The following UFL1 variants were observed in gnomAD, a reference collection of about 807,000 sequenced individuals.
The protein encoded by UFL1 is E3 UFM1-protein ligase 1.
Under a neutral mutation model 99.3 loss-of-function variants are expected in UFL1, and 78 were observed. That is an observed-to-expected ratio of 0.79 (90% CI 0.65 to 0.95). UFL1 has a LOEUF of 0.95. Among genes scored for constraint, UFL1 ranks in the 40% least tolerant of loss-of-function variants. The probability of loss-of-function intolerance (pLI) is 0.00; values close to 1 mark genes in which losing one functional copy is unlikely to be tolerated. For missense variants in UFL1, 936 were observed against 937.0 expected, an observed-to-expected ratio of 1.00 and a Z score of 0.01; for synonymous variants, 335 against 322.2, an observed-to-expected ratio of 1.04 and a Z score of -0.42.
chr6:96,525,190 C>A (rs988692673), intron 3 of UFL1, 107 bp from the exon 4 acceptor site: 1 of 830,434 alleles, frequency 1.2e-6, no homozygotes, highest in Admixed American at 2.9e-5. Flanking sequence ...GCATGAGCCA[C>A]CATGCCTGGC....
At chr6:96,529,577 T>C (rs1006958701) in intron 6 of UFL1, among the ~76,000 whole-genome samples, 1 of 152,216 alleles carries the variant, frequency 6.6e-6, no homozygotes, top group African/African-American at 2.4e-5. Flanking sequence ...GAAATACTCT[T>C]TTTTTAAACA....
Position 96,549,496 on chromosome 6 carries a change from C to T in UFL1, c.1605C>T (p.Arg535=). 1.9e-6 allele frequency: 3 copies of T among 1,591,216 alleles called. No homozygotes were observed. Among genetic ancestry groups the T allele is most frequent in the Non-Finnish European group, 2.6e-6 (3 of 1,173,734 alleles). ...TTSASGTGRK[R]TIKDLQEEVS... The stretch of plus-strand genomic sequence containing the variant: ...CTGCTTCTGGGACGGGCAGAAAACG[C>T]ACAATCAAGGACTTGCAAGAAGAAG... The change falls in exon 14 of 19, where the codon CGC becomes CGT. Residue 535 remains arginine, a synonymous_variant. Coordinates refer to ENST00000369278, the MANE Select transcript of UFL1 (RefSeq NM_015323.5).
At chr6:96,526,117 T>G (rs577529925) in intron 4 of UFL1, among the ~76,000 whole-genome samples, 1 of 151,942 alleles carries the variant, frequency 6.6e-6, no homozygotes, top group African/African-American at 2.4e-5. Flanking sequence ...AAAGAAAATG[T>G]ATTGTTTGAT....
chr6:96,535,297 G>T (rs889609668), intron 7 of UFL1, among the ~76,000 whole-genome samples: 1 of 151,780 alleles, frequency 6.6e-6, no homozygotes, highest in Non-Finnish European at 1.5e-5. Context: ...ATCATCTTTT[G>T]AATGTGCTTG....
intron 12 of UFL1, among the ~76,000 whole-genome samples, chr6:96,544,239 T>C (rs1769970789): frequency 6.6e-6 from 1 of 151,038 alleles, no homozygotes; most frequent in African/African-American, 2.4e-5. Flanking sequence ...ATTATATGCA[T>C]CTTTCTTTTC....
At position 96,549,831 on chromosome 6, in the gene UFL1, G is replaced by A. The variant is rs1208255604; in HGVS notation, c.1818+32G>A. Reference sequence around the variant, plus strand: ...TAATGATCTCCCTACCACTATTGATGTGTTCTGTTTTGCATCTATACACAT... The same window carrying A: ...TAATGATCTCCCTACCACTATTGATATGTTCTGTTTTGCATCTATACACAT... On this transcript the variant is annotated intron_variant, in intron 15 of 18. Coordinates refer to ENST00000369278, the MANE Select transcript of UFL1 (RefSeq NM_015323.5). The A allele has an allele frequency of 8.1e-6, 13 of 1,606,170 alleles. No homozygotes were observed. The African/African-American group carries it at 1.6e-4, about 20-fold the overall frequency.
Position 96,538,815 on chromosome 6 carries a change from T to A in UFL1, c.1158+5T>A. 1 of 1,585,234 alleles carries A rather than the reference T, an allele frequency of 6.3e-7. No homozygotes were observed. On this transcript the variant is annotated splice_donor_5th_base_variant and intron_variant, in intron 10 of 18. Coordinates refer to ENST00000369278, the MANE Select transcript of UFL1 (RefSeq NM_015323.5). ...ATGCACCAGAAAGCTGAAAAGGTAT[T>A]CCAGATTTCCTTTTATCTGCTAATC...
At chr6:96,541,619 C>T (rs1389136054) in intron 11 of UFL1, among the ~76,000 whole-genome samples, 2 of 149,184 alleles carry the variant, frequency 1.3e-5, no homozygotes, top group Admixed American at 6.7e-5. Flanking sequence ...TAATAAATTA[C>T]TTAAATCACA....
At chr6:96,538,274 G>A (rs1769881451) in intron 9 of UFL1, among the ~76,000 whole-genome samples, 2 of 151,802 alleles carry the variant, frequency 1.3e-5, no homozygotes, top group Admixed American at 1.3e-4. Context: ...TTTCAGATAG[G>A]AGAAAGAGTT....
chr6:96,535,904 T>A (rs1582440529), intron 7 of UFL1, among the ~76,000 whole-genome samples: 1 of 152,166 alleles, frequency 6.6e-6, no homozygotes, highest in East Asian at 1.9e-4. Context: ...TTTTATCATC[T>A]GTTTTTAGTA....
rs184389299 is a variant in UFL1 at position 96,524,875 on chromosome 6, A to G, written c.253-422A>G. Among the ~76,000 whole-genome samples, 2 of 152,344 alleles carry G rather than the reference A, an allele frequency of 1.3e-5. 1 individual carries two copies. Among genetic ancestry groups the G allele is most frequent in the Admixed American group, 1.3e-4 (2 of 15,310 alleles). On this transcript the variant is annotated intron_variant, in intron 3 of 18. Transcript: ENST00000369278. ...CAAGGTACACTATAAACAAGAAGCC[A>G]GCGAATTTTCTGTAAAATGCTATCT...
At chr6:96,546,400 A>G (rs557159838) in intron 12 of UFL1, among the ~76,000 whole-genome samples, 65 of 151,584 alleles carry the variant, frequency 4.3e-4, no homozygotes, top group Non-Finnish European at 8.4e-4. Flanking sequence ...CCCCAGGCTC[A>G]TGGATTAGAA....
chr6:96,550,445 C>T (rs1033006689), intron 15 of UFL1, among the ~76,000 whole-genome samples: 1 of 151,892 alleles, frequency 6.6e-6, no homozygotes, highest in Non-Finnish European at 1.5e-5. Flanking sequence ...CAGGAAAAAG[C>T]GTCTTGATGT....
In UFL1 at chr6:96,549,402, T is replaced by C; in HGVS notation, c.1521-10T>C. 6.3e-7 allele frequency: 1 copy of C among 1,582,712 alleles called. No individual in the cohort carries two copies. Among genetic ancestry groups the C allele is most frequent in the East Asian group, 2.2e-5 (1 of 44,608 alleles). On this transcript the variant is annotated splice_polypyrimidine_tract_variant and intron_variant, in intron 13 of 18. Coordinates refer to ENST00000369278, the MANE Select transcript of UFL1 (RefSeq NM_015323.5). ...TTTTAATAAACTAAATATATTTGTC[T>C]TATGCACAGACCTCTTAATAAAACT...
chr6:96,529,204 C>T (rs1387741000), intron 6 of UFL1, among the ~76,000 whole-genome samples: 1 of 152,188 alleles, frequency 6.6e-6, no homozygotes, highest in Non-Finnish European at 1.5e-5. Flanking sequence ...GCATAGAATT[C>T]AGAAAACCTA....
intron 1 of UFL1, among the ~76,000 whole-genome samples, chr6:96,522,565 C>T (rs1255192490): frequency 6.6e-6 from 1 of 152,158 alleles, no homozygotes; most frequent in Non-Finnish European, 1.5e-5. Flanking sequence ...TCTTTGACTA[C>T]TTCCTACCTG....
rs758359688 is a variant in UFL1, at chr6:96,528,529, A to C, written c.493A>C (p.Ile165Leu). The part of the protein sequence containing the change: ...QALTQRLGRI[I>L]SGHIDLDNRG... ...ACTAACTCAGCGACTTGGTAGAATT[A>C]TCAGTGGACATATTGATCTTGATAA... The change falls in exon 6 of 19, where the codon ATC becomes CTC. Residue 165 changes from isoleucine (I) to leucine (L), a missense_variant. Transcript: ENST00000369278. 1 of 1,613,488 alleles carries C rather than the reference A, an allele frequency of 6.2e-7. No homozygotes were observed. The highest frequency in any genetic ancestry group is 8.5e-7 in the Non-Finnish European group (1 of 1,179,706).
chr6:96,537,262 G>A, intron 8 of UFL1, 112 bp from the exon 9 acceptor site: 1 of 830,134 alleles, frequency 1.2e-6, no homozygotes, highest in East Asian at 3.1e-5. Flanking sequence ...GAGGAGTTAA[G>A]AAGGTAGACA....
At chr6:96,523,428 C>A in intron 2 of UFL1, 137 bp downstream of exon 2, 1 of 979,038 alleles carries the variant, frequency 1.0e-6, no homozygotes, top group Non-Finnish European at 1.4e-6. Flanking sequence ...ATTTGATAAT[C>A]AGGCTTAATA....
Sources: gnomAD v4.1 joint callset for allele counts (sites outside exome capture counted in the v4.1 genomes callset) on GRCh38, gnomAD v4.1.1 for gene constraint, MANE v1.5 for transcripts, NCBI Gene and HGNC (gene_info 2026-07-23, HGNC 2026-07-21) for gene names.